Variants in KIF6 observed in about 807,000 individuals in gnomAD.
The protein encoded by KIF6 is kinesin-like protein KIF6.
KIF6 carries 106 observed loss-of-function variants against 112.7 expected under a neutral mutation model. The observed-to-expected ratio is 0.94, with a 90% CI of 0.80 to 1.11. The LOEUF (loss-of-function observed/expected upper bound fraction) is 1.11. Among genes scored for constraint, KIF6 ranks in the 50% least tolerant of loss-of-function variants. The probability of loss-of-function intolerance (pLI) is 0.00; values close to 1 mark genes in which losing one functional copy is unlikely to be tolerated. For synonymous variants in KIF6, 339 were observed against 339.9 expected (o/e 1.00, Z 0.03); for missense variants, 929 against 964.0 (o/e 0.96, Z 0.48).
chr6:39,645,811 T>A (rs1785139540), intron 3 of KIF6, among the ~76,000 whole-genome samples: 5 of 152,130 alleles, frequency 3.3e-5, no homozygotes, highest in South Asian at 2.1e-4. Context: ...TGAGTTCATG[T>A]CCTTTGTAGG....
intron 13 of KIF6, among the ~76,000 whole-genome samples, chr6:39,473,536 A>G (rs755615289): frequency 5.3e-4 from 80 of 152,316 alleles, no homozygotes; most frequent in Non-Finnish European, 9.7e-4. Flanking sequence ...TAAATGTTGT[A>G]TAATATTTAA....
intron 15 of KIF6, among the ~76,000 whole-genome samples, chr6:39,386,808 C>A (rs755510771): frequency 6.6e-6 from 1 of 152,182 alleles, no homozygotes; most frequent in East Asian, 1.9e-4. Flanking sequence ...GCTCAGCACA[C>A]TTGTTAAAAT....
Position 39,343,163 on chromosome 6 carries a change from G to A in KIF6, c.2428+546C>T, listed in dbSNP as rs1763438841. On this transcript the variant is annotated intron_variant, in intron 22 of 22. Transcript: ENST00000287152. The surrounding 1 kb of genome is among the most constrained non-coding windows in gnomAD (Gnocchi z 4.1). ...GACGGGGCTGGGGGTGGAGGGGGCA[G>A]TGATGCAGACCAAGAAGAGCCTTCT... is the stretch of plus-strand genomic sequence containing the variant. The A allele has an allele frequency of 6.1e-6, 6 of 985,260 alleles. No homozygotes were observed. In the African/African-American group the frequency reaches 8.7e-5, roughly 14 times the overall value. 61.0% of individuals were successfully genotyped at this position (985,260 alleles called of 1,614,324 possible).
At chr6:39,355,699 T>A (rs926537912) in intron 19 of KIF6, among the ~76,000 whole-genome samples, 3 of 151,916 alleles carry the variant, frequency 2.0e-5, no homozygotes, top group Non-Finnish European at 4.4e-5. Context: ...TGACCTCAGG[T>A]GATCCGCCCG....
Position 39,586,364 on chromosome 6 carries a change from G to C in KIF6, c.887C>G (p.Pro296Arg). The C allele has an allele frequency of 6.2e-7, 1 of 1,614,070 alleles. No individual in the cohort carries two copies. Among genetic ancestry groups the C allele is most frequent in the Non-Finnish European group, 8.5e-7 (1 of 1,179,940 alleles). Residue 296 changes from proline to arginine, a missense_variant, in exon 8 of 23, where the codon CCT (proline) becomes CGT (arginine). Pro to Arg is a moderately radical substitution (Grantham distance 103, BLOSUM62 -2). Around this residue, in one of 2 missense-constraint regions of KIF6, gnomAD observed 688 missense variants for 662.7 expected, o/e 1.04. Coordinates refer to ENST00000287152, the MANE Select transcript of KIF6 (RefSeq NM_145027.6). ...ALSEKHRSHI[P>R]YRNSMMTSVL... ...ACTGGTCATCATGGAGTTTCTATAA[G>C]GAATGTGCGAACGGTGCTTTTCTGA... is the stretch of plus-strand genomic sequence containing the variant.
At chr6:39,576,260 G>A (rs1449400405) in intron 10 of KIF6, among the ~76,000 whole-genome samples, 1 of 152,030 alleles carries the variant, frequency 6.6e-6, no homozygotes, top group East Asian at 1.9e-4. Flanking sequence ...GAGTAGCTGG[G>A]ATTACAGGCA....
At chr6:39,585,550 GA>G (rs1781580422) in intron 8 of KIF6, among the ~76,000 whole-genome samples, 1 of 152,180 alleles carries the variant, frequency 6.6e-6, no homozygotes, top group African/African-American at 2.4e-5. Flanking sequence ...AAAAGTGAGA[GA>G]TCACAAGGTC....
chr6:39,429,577 C>T (rs1327825788), intron 14 of KIF6, among the ~76,000 whole-genome samples: 3 of 152,192 alleles, frequency 2.0e-5, no homozygotes, highest in Non-Finnish European at 4.4e-5. Flanking sequence ...CTGAAACCAA[C>T]TTCCCTTTTA....
intron 13 of KIF6, among the ~76,000 whole-genome samples, chr6:39,488,549 C>T (rs1775271352): frequency 6.6e-6 from 1 of 152,150 alleles, no homozygotes; most frequent in Non-Finnish European, 1.5e-5. Context: ...TCAAAACTGA[C>T]TGTATTGGTC....
rs77144071 is a variant in KIF6, at chr6:39,350,326, G to T, written c.2181-3800C>A. Among the ~76,000 whole-genome samples, 275 of 152,156 alleles carry T rather than the reference G, an allele frequency of 1.8e-3. 4 individuals are homozygous for T. The highest frequency in any genetic ancestry group is 0.014 in the South Asian group (66 of 4,798). On this transcript the variant is annotated intron_variant, in intron 19 of 22. Coordinates refer to ENST00000287152, the MANE Select transcript of KIF6 (RefSeq NM_145027.6). ...CATTATGGACATGTGTCCCTAAAAG[G>T]CAGTCATTGATCCTAAACACAACTG...
At chr6:39,651,229 C>A (rs948610089) in intron 3 of KIF6, among the ~76,000 whole-genome samples, 3 of 152,150 alleles carry the variant, frequency 2.0e-5, no homozygotes, top group African/African-American at 7.2e-5. Flanking sequence ...TAAAGTAAAT[C>A]GAGCTTCTGG....
intron 22 of KIF6, among the ~76,000 whole-genome samples, chr6:39,341,221 C>G (rs548433662): frequency 2.2e-4 from 33 of 152,298 alleles, no homozygotes; most frequent in African/African-American, 7.5e-4. Context: ...ACTCCCAGTC[C>G]CCTGGCTAAA....
intron 7 of KIF6, among the ~76,000 whole-genome samples, chr6:39,595,446 T>C (rs1222794896): frequency 2.0e-5 from 3 of 152,200 alleles, no homozygotes; most frequent in African/African-American, 4.8e-5. Flanking sequence ...ACACCTACAA[T>C]GTAGGGCTGT....
intron 6 of KIF6, among the ~76,000 whole-genome samples, chr6:39,612,898 T>C (rs548684294): frequency 6.6e-6 from 1 of 152,170 alleles, no homozygotes; most frequent in Non-Finnish European, 1.5e-5. Context: ...CAACTTAGAA[T>C]ATAAAAATAA....
chr6:39,450,900 A>T lies in KIF6; in HGVS notation c.1646-19739T>A, dbSNP rs571474468. Among the ~76,000 whole-genome samples the T allele has an allele frequency of 3.9e-4, 59 of 152,342 alleles. No individual in the cohort carries two copies. In the South Asian group the frequency reaches 0.011, roughly 28 times the overall value. On this transcript the variant is annotated intron_variant, in intron 13 of 22. Coordinates refer to ENST00000287152, the MANE Select transcript of KIF6 (RefSeq NM_145027.6). Reference sequence around the variant, plus strand: ...TGCTTTGTTTTACTACATAGTTAAGATGATACTATATATACAATTTTGTAG... The same window carrying T: ...TGCTTTGTTTTACTACATAGTTAAGTTGATACTATATATACAATTTTGTAG...
chr6:39,553,215 T>C (rs147621571), intron 10 of KIF6, among the ~76,000 whole-genome samples: 1 of 152,284 alleles, frequency 6.6e-6, no homozygotes, highest in East Asian at 1.9e-4. Flanking sequence ...AGCAACTCTG[T>C]TGGAATGAGC....
chr6:39,535,655 A>G (rs1467865286), intron 13 of KIF6, among the ~76,000 whole-genome samples: 5 of 152,234 alleles, frequency 3.3e-5, no homozygotes, highest in Non-Finnish European at 5.9e-5. Flanking sequence ...ACAGATCAAC[A>G]AGACAGAAAG....
chr6:39,417,531 C>T (rs537504125), intron 15 of KIF6, among the ~76,000 whole-genome samples: 81 of 152,292 alleles, frequency 5.3e-4, no homozygotes, highest in African/African-American at 1.9e-3. Flanking sequence ...GCCCTTTGAA[C>T]ATGAATTATA....
At position 39,374,283 on chromosome 6, in the gene KIF6, AC is replaced by A. The variant is rs374653951; in HGVS notation, c.1861+11338del. On this transcript the variant is annotated intron_variant, in intron 16 of 22. Transcript: ENST00000287152. ...GAAACTGTAAAACTACCAGAAAAAA[AC>A]ATAAGGGGAATAGTTCAACAACATT... 3.9e-3 allele frequency among the ~76,000 whole-genome samples: 592 copies of A among 152,324 alleles called. 3 individuals carry two copies. The highest frequency in any genetic ancestry group is 0.013 in the African/African-American group (521 of 41,568).
Sources: gnomAD v4.1 joint callset for allele counts (sites outside exome capture counted in the v4.1 genomes callset) on GRCh38, gnomAD v4.1.1 for gene constraint, gnomAD v4.1.1 regional missense constraint, Gnocchi (gnomAD v3.1) non-coding constraint, MANE v1.5 for transcripts, NCBI Gene and HGNC (gene_info 2026-07-23, HGNC 2026-07-21) for gene names.